Variants in HSF2BP observed in about 807,000 individuals in gnomAD.
HSF2BP encodes the protein heat shock factor 2-binding protein.
In HSF2BP, 35 loss-of-function variants were observed where a neutral mutation model predicts 35.0. The observed-to-expected ratio is 1.00, with a 90% confidence interval of 0.76 to 1.32. The LOEUF is 1.32. Ranked by LOEUF, HSF2BP falls within the 40% of genes most tolerant of loss-of-function variation. HSF2BP has a pLI of 0.00. For synonymous variants in HSF2BP, 114 were observed against 117.4 expected (o/e 0.97, Z 0.18); for missense variants, 326 against 321.7 (o/e 1.01, Z -0.10).
intron 4 of HSF2BP, among the ~76,000 whole-genome samples, chr21:43,634,534 A>C (rs2082526290): frequency 6.6e-6 from 1 of 152,210 alleles, no homozygotes; most frequent in African/African-American, 2.4e-5. Context: ...TACAAGACAA[A>C]GTAGAGGGGG....
At chr21:43,614,676 A>C (rs1417478781) in intron 6 of HSF2BP, among the ~76,000 whole-genome samples, 2 of 152,122 alleles carry the variant, frequency 1.3e-5, no homozygotes, top group African/African-American at 4.8e-5. Flanking sequence ...AAAATCTAAA[A>C]ATTTTTGAGC....
At chr21:43,602,977 G>C (rs2082069394) in intron 7 of HSF2BP, among the ~76,000 whole-genome samples, 1 of 152,074 alleles carries the variant, frequency 6.6e-6, no homozygotes, top group South Asian at 2.1e-4. Context: ...GATGTGAAAA[G>C]GCCTTTCATG....
At chr21:43,630,183 C>T in intron 6 of HSF2BP, 139 bp downstream of exon 6, 1 of 626,724 alleles carries the variant, frequency 1.6e-6, no homozygotes, top group Non-Finnish European at 2.7e-6. Context: ...CAACAGACTA[C>T]AGTATAGTGT....
chr21:43,576,210 CAA>C (rs1407521749), intron 8 of HSF2BP, among the ~76,000 whole-genome samples: 3 of 151,794 alleles, frequency 2.0e-5, no homozygotes, highest in African/African-American at 7.3e-5. Flanking sequence ...CTTCCTGGGC[CAA>C]GACATCAGTG....
intron 7 of HSF2BP, among the ~76,000 whole-genome samples, chr21:43,593,122 G>T (rs1342921199): frequency 6.6e-6 from 1 of 152,182 alleles, no homozygotes; most frequent in South Asian, 2.1e-4. Context: ...AAGTGCAAAA[G>T]ATGCTACAAT....
chr21:43,635,991 G>A (rs1012299848), intron 4 of HSF2BP, among the ~76,000 whole-genome samples: 17 of 148,500 alleles, frequency 1.1e-4, no homozygotes, highest in South Asian at 2.1e-4. Context: ...ACCTTGGGAG[G>A]CTGAGACGGG....
intron 8 of HSF2BP, among the ~76,000 whole-genome samples, chr21:43,587,456 G>A (rs1211825124): frequency 6.6e-6 from 1 of 151,768 alleles, no homozygotes; most frequent in Non-Finnish European, 1.5e-5. Flanking sequence ...ACCTGAGGGC[G>A]GGAGTTCGAG....
At chr21:43,593,340 C>T (rs1002779831) in intron 7 of HSF2BP, among the ~76,000 whole-genome samples, 10 of 152,128 alleles carry the variant, frequency 6.6e-5, no homozygotes, top group Non-Finnish European at 1.3e-4. Context: ...GATAGAAGCT[C>T]CCCCAGCTTC....
chr21:43,641,964 C>A (rs1449416965), intron 4 of HSF2BP, among the ~76,000 whole-genome samples: 1 of 149,222 alleles, frequency 6.7e-6, no homozygotes, highest in African/African-American at 2.5e-5. Context: ...AATTGAGGAT[C>A]TAGTCTCTGG....
chr21:43,595,791 CT>C (rs2081979669), intron 7 of HSF2BP, among the ~76,000 whole-genome samples: 1 of 110,046 alleles, frequency 9.1e-6, no homozygotes, highest in Non-Finnish European at 1.7e-5. Flanking sequence ...GTGGCGCCAT[CT>C]CGGCTCACTG....
intron 4 of HSF2BP, among the ~76,000 whole-genome samples, chr21:43,636,894 C>CAAAAAAAAAAAAAAAAAAAAAAAA (rs34578952): frequency 8.9e-6 from 1 of 112,042 alleles, no homozygotes; most frequent in Non-Finnish European, 1.8e-5. Context: ...CGTCTCAAAA[C>CAAAAAAAAAAAAAAAAAAAAAAAA]AAAAAAAAAA....
intron 6 of HSF2BP, among the ~76,000 whole-genome samples, chr21:43,617,246 A>G (rs988324013): frequency 6.6e-6 from 1 of 152,092 alleles, no homozygotes; most frequent in African/African-American, 2.4e-5. Context: ...AAATATATAT[A>G]TATGTATCTC....
the HSF2BP span, among the ~76,000 whole-genome samples, chr21:43,505,417 A>C: frequency 5.5e-5 from 6 of 109,170 alleles, no homozygotes; most frequent in Non-Finnish European, 9.4e-5. Context: ...GCCTTCGCTC[A>C]CCGTGGCCAG....
At chr21:43,657,275 G>A (rs556013252) in intron 2 of HSF2BP, among the ~76,000 whole-genome samples, 38 of 152,326 alleles carry the variant, frequency 2.5e-4, no homozygotes, top group Non-Finnish European at 4.6e-4. Flanking sequence ...CGGGAAGAAG[G>A]CTTGAGCTCA....
intron 2 of HSF2BP, among the ~76,000 whole-genome samples, chr21:43,657,466 T>A (rs2147141112): frequency 6.6e-6 from 1 of 152,308 alleles, no homozygotes; most frequent in African/African-American, 2.4e-5. Context: ...TCATCTGGTT[T>A]CCTACTGGGT....
At chr21:43,581,842 A>AGGGAGATGAGGGCCTGCTGT in intron 8 of HSF2BP, among the ~76,000 whole-genome samples, 2 of 144,878 alleles carry the variant, frequency 1.4e-5, no homozygotes, top group Non-Finnish European at 3.0e-5. Flanking sequence ...GGGCCTGCTG[A>AGGGAGATGAGGGCCTGCTGT]GGGAGATGAG....
chr21:43,623,211 C>T (rs1243069780), intron 6 of HSF2BP, among the ~76,000 whole-genome samples: 5 of 152,070 alleles, frequency 3.3e-5, no homozygotes, highest in African/African-American at 1.2e-4. Flanking sequence ...CCTGAACAAC[C>T]AAATGCGTCA....
intron 7 of HSF2BP, among the ~76,000 whole-genome samples, chr21:43,599,119 T>C (rs901000401): frequency 6.6e-6 from 1 of 152,224 alleles, no homozygotes; most frequent in Non-Finnish European, 1.5e-5. Flanking sequence ...AGATGGCCAG[T>C]TGAAATTCTT....
intron 7 of HSF2BP, among the ~76,000 whole-genome samples, chr21:43,596,489 T>C (rs1336368006): frequency 1.3e-5 from 2 of 151,844 alleles, no homozygotes; most frequent in African/African-American, 4.8e-5. Context: ...CCTCCACCAA[T>C]AAGAATCACA....
Sources: gnomAD v4.1 joint callset for allele counts (sites outside exome capture counted in the v4.1 genomes callset) on GRCh38, gnomAD v4.1.1 for gene constraint, MANE v1.5 for transcripts, NCBI Gene and HGNC (gene_info 2026-07-23, HGNC 2026-07-21) for gene names.